CLCN1: variants seen among roughly 807,000 people sequenced by gnomAD.
CLCN1 encodes the protein chloride channel protein 1.
CLCN1 carries 100 observed loss-of-function variants against 114.5 expected under a neutral mutation model. The ratio of observed to expected loss-of-function variants is 0.87; its 90% CI spans 0.74 to 1.03. The LOEUF (loss-of-function observed/expected upper bound fraction) is 1.03, where lower values mean the gene tolerates loss of function less well. Among genes scored for constraint, CLCN1 ranks in the 50% least tolerant of loss-of-function variants. The pLI is 0.00. For missense variants in CLCN1, 1,188 were observed against 1,250.0 expected (o/e 0.95, Z 0.75); for synonymous variants, 485 against 487.1 (o/e 1.00, Z 0.06).
chr7:143,331,054 T>C (rs574894447), intron 8 of CLCN1, among the ~76,000 whole-genome samples, 157 bp downstream of exon 8: 2 of 152,154 alleles, frequency 1.3e-5, no homozygotes, highest in African/African-American at 4.8e-5. Context: ...AAGATATAGG[T>C]CATGGAGTGG....
intron 6 of CLCN1, chr7:143,323,689 G>C: frequency 1.8e-6 from 1 of 558,766 alleles, no homozygotes; most frequent in South Asian, 1.5e-5. Context: ...CTCTGTGTTA[G>C]TTTCCCTCCA....
At chr7:143,323,699 AC>A (rs1802507891) in intron 6 of CLCN1, 19 of 538,756 alleles carry the variant, frequency 3.5e-5, no homozygotes, top group Non-Finnish European at 5.9e-5. Flanking sequence ...GTTTCCCTCC[AC>A]GTTTCCCTCG....
chr7:143,344,780 C>T lies in CLCN1; in HGVS notation c.1931-741C>T, dbSNP rs1348341866. 5.8e-5 allele frequency among the ~76,000 whole-genome samples: 8 copies of T among 137,810 alleles called. No homozygotes were observed. In the South Asian group the frequency reaches 6.9e-4, roughly 12 times the overall value. 90.4% of individuals were successfully genotyped at this position (137,810 alleles called of 152,430 possible). A position where few individuals can be genotyped will look rare whatever the true frequency, so the allele number is the denominator to read the frequency against. Reference sequence around the variant, plus strand: ...TTTTTTTTTTTTTTTAATGAAATCTCGCTCTTGTCGCCCAGGTTGGAGTGC... The same window carrying T: ...TTTTTTTTTTTTTTTAATGAAATCTTGCTCTTGTCGCCCAGGTTGGAGTGC... On this transcript the variant is annotated intron_variant, in intron 16 of 22. Coordinates refer to ENST00000343257, the MANE Select transcript of CLCN1 (RefSeq NM_000083.3).
At chr7:143,345,474 G>C (rs1563086772) in intron 16 of CLCN1, 47 bp from the exon 17 acceptor site, 5 of 1,485,816 alleles carry the variant, frequency 3.4e-6, no homozygotes, top group Admixed American at 2.3e-5. Flanking sequence ...GCGGTGGTGC[G>C]AGAGGGCTTG....
intron 22 of CLCN1, among the ~76,000 whole-genome samples, chr7:143,351,103 T>A (rs1465529239): frequency 6.6e-6 from 1 of 151,984 alleles, no homozygotes; most frequent in African/African-American, 2.4e-5. Flanking sequence ...TATGCAGAGA[T>A]TGGAGGGGGT....
At chr7:143,337,595 A>G (rs1019022988) in intron 12 of CLCN1, among the ~76,000 whole-genome samples, 12 of 152,134 alleles carry the variant, frequency 7.9e-5, no homozygotes, top group Non-Finnish European at 2.9e-5. Context: ...AAAATTGTGA[A>G]TACTTTCATC....
intron 7 of CLCN1, among the ~76,000 whole-genome samples, chr7:143,325,120 G>C (rs1802542856): frequency 6.6e-6 from 1 of 152,180 alleles, no homozygotes; most frequent in Non-Finnish European, 1.5e-5. Flanking sequence ...TTAACAAATG[G>C]ATGTAGTCGG....
chr7:143,324,429 T>A lies in CLCN1; in HGVS notation c.790T>A (p.Ser264Thr). The change falls in exon 7 of 23, where the codon TCT becomes ACT. Residue 264 changes from serine to threonine, a missense_variant. Transcript: ENST00000343257. This position sits in a 1 kb window ranked among gnomAD's most constrained non-coding sequence, Gnocchi z 4.6. ...CGVYEQPYYY[S>T]DILTVGCAVG... ...CCCCTAGTAGCAGCCATACTACTAC[T>A]CTGATATCCTGACGGTGGGCTGTGC... is the stretch of plus-strand genomic sequence containing the variant. 2 of 1,613,876 alleles carry A rather than the reference T, an allele frequency of 1.2e-6. No homozygotes were observed. Among genetic ancestry groups the A allele is most frequent in the African/African-American group, 2.7e-5 (2 of 75,018 alleles).
Position 143,331,235 on chromosome 7 carries a change from C to T in CLCN1, c.983C>T (p.Thr328Ile), listed in dbSNP as rs780421370. 1.2e-6 allele frequency: 2 copies of T among 1,608,828 alleles called. No individual in the cohort carries two copies. Among genetic ancestry groups the T allele is most frequent in the South Asian group, 2.2e-5 (2 of 90,948 alleles). ...TACTGGCCTTTCCATCCTACAGTCACCATCACTGCTCTGTTCAGAACCAAT... is the reference window on the plus strand; with the variant it reads ...TACTGGCCTTTCCATCCTACAGTCATCATCACTGCTCTGTTCAGAACCAAT... The part of the protein sequence containing the change: ...VLAVWNKDAV[T>I]ITALFRTNFR... Residue 328 changes from threonine to isoleucine, a missense_variant, in exon 9 of 23, where the codon ACC (threonine) becomes ATC (isoleucine). Coordinates refer to ENST00000343257, the MANE Select transcript of CLCN1 (RefSeq NM_000083.3).
At chr7:143,318,116 A>G (rs1010308634) in intron 1 of CLCN1, among the ~76,000 whole-genome samples, 1 of 152,208 alleles carries the variant, frequency 6.6e-6, no homozygotes, top group South Asian at 2.1e-4. Context: ...TGAAGCCCCA[A>G]GTACCCACCA....
At chr7:143,345,077 A>C (rs939814410) in intron 16 of CLCN1, among the ~76,000 whole-genome samples, 1 of 152,202 alleles carries the variant, frequency 6.6e-6, no homozygotes, top group African/African-American at 2.4e-5. Flanking sequence ...GAAATGTCAG[A>C]TACAAAAGAA....
At chr7:143,335,562 G>C (rs1802853561) in intron 12 of CLCN1, among the ~76,000 whole-genome samples, 1 of 151,630 alleles carries the variant, frequency 6.6e-6, no homozygotes, top group Admixed American at 6.6e-5. Context: ...ATATAAACAT[G>C]ACTGAAACAA....
chr7:143,329,761 C>T (rs763695915), intron 7 of CLCN1, among the ~76,000 whole-genome samples: 3 of 152,198 alleles, frequency 2.0e-5, no homozygotes, highest in Non-Finnish European at 4.4e-5. Flanking sequence ...TTGCATTTCC[C>T]TGGTTCCTTT....
Position 143,324,410 on chromosome 7 carries a change from G to C in CLCN1, c.775-4G>C. 6.2e-7 allele frequency: 1 copy of C among 1,612,552 alleles called. No individual in the cohort carries two copies. Among genetic ancestry groups the C allele is most frequent in the Non-Finnish European group, 8.5e-7 (1 of 1,178,898 alleles). ...TGTTTCTCTGTCTGTCTCTCCCCTA[G>C]TAGCAGCCATACTACTACTCTGATA... On this transcript the variant is annotated splice_polypyrimidine_tract_variant and splice_region_variant and intron_variant, in intron 6 of 22. Coordinates refer to ENST00000343257, the MANE Select transcript of CLCN1 (RefSeq NM_000083.3). The surrounding 1 kb of genome is among the most constrained non-coding windows in gnomAD (Gnocchi z 4.6).
At chr7:143,349,019 G>A (rs576752481) in intron 20 of CLCN1, among the ~76,000 whole-genome samples, 152 of 152,292 alleles carry the variant, frequency 1.0e-3, no homozygotes, top group Non-Finnish European at 1.8e-3. Flanking sequence ...GAGCTAAGAC[G>A]GGTAAGTCAA....
chr7:143,337,996 TA>T (rs201255787), intron 12 of CLCN1, among the ~76,000 whole-genome samples: 15 of 150,062 alleles, frequency 1.0e-4, no homozygotes, highest in Non-Finnish European at 1.3e-4. Flanking sequence ...CTGGCTAATT[TA>T]TTTTTTATTT....
At chr7:143,334,528 T>C (rs571227209) in intron 12 of CLCN1, among the ~76,000 whole-genome samples, 2 of 152,342 alleles carry the variant, frequency 1.3e-5, no homozygotes, top group South Asian at 4.1e-4. Flanking sequence ...AAGTACATAA[T>C]ATTTCATCAT....
chr7:143,319,659 G>A (rs370027218), intron 1 of CLCN1, 96 bp from the exon 2 acceptor site: 2 of 1,354,978 alleles, frequency 1.5e-6, no homozygotes, highest in East Asian at 4.6e-5. Flanking sequence ...TCAAAAAGCT[G>A]TTGTTCTTTT....
rs1803030347 is a variant in CLCN1 at position 143,339,774 on chromosome 7, G to A, written c.1582+153G>A. Among the ~76,000 whole-genome samples, 1 of 152,178 alleles carries A rather than the reference G, an allele frequency of 6.6e-6. No homozygotes were observed. The highest frequency in any genetic ancestry group is 2.4e-5 in the African/African-American group (1 of 41,454). On this transcript the variant is annotated intron_variant, in intron 14 of 22. Transcript: ENST00000343257. This position sits in a 1 kb window ranked among gnomAD's most constrained non-coding sequence, Gnocchi z 4.1. Reference sequence around the variant, plus strand: ...CTTTTACTCAGATAACATACCCATGGCTCTGACTCTCATTATTTCTTACTG... The same window carrying A: ...CTTTTACTCAGATAACATACCCATGACTCTGACTCTCATTATTTCTTACTG...
Sources: allele counts gnomAD v4.1 joint callset (sites outside exome capture counted in the v4.1 genomes callset), GRCh38; gene constraint gnomAD v4.1.1; non-coding constraint Gnocchi (gnomAD v3.1); transcripts MANE v1.5; gene names NCBI Gene and HGNC (gene_info 2026-07-23, HGNC 2026-07-21).